GRM5: variants seen among roughly 807,000 people sequenced by gnomAD.
GRM5 encodes metabotropic glutamate receptor 5.
GRM5 carries 19 observed loss-of-function variants against 83.1 expected under a neutral mutation model. That is an observed-to-expected ratio of 0.23 (90% CI 0.16 to 0.34). GRM5 has a LOEUF of 0.34. GRM5 is among the 10% of genes least tolerant of loss of function. The pLI is 1.00. For missense variants in GRM5, 1,160 were observed against 1,588.3 expected (o/e 0.73, Z 4.58); for synonymous variants, 675 against 633.6 (o/e 1.07, Z -0.98).
At chr11:88,788,967 G>T (rs1943122466) in intron 3 of GRM5, among the ~76,000 whole-genome samples, 1 of 152,196 alleles carries the variant, frequency 6.6e-6, no homozygotes, top group Non-Finnish European at 1.5e-5. Flanking sequence ...TTAGAGGGCA[G>T]CAATGTTCTC....
At chr11:88,720,423 C>A (rs192592071) in intron 3 of GRM5, among the ~76,000 whole-genome samples, 65 of 152,008 alleles carry the variant, frequency 4.3e-4, no homozygotes, top group African/African-American at 1.5e-3. Flanking sequence ...AGAGGCCACT[C>A]TCAGCCTCTG....
chr11:88,860,950 T>C lies in GRM5; in HGVS notation c.662-10795A>G, dbSNP rs1193308353. Among the ~76,000 whole-genome samples the C allele has an allele frequency of 3.9e-5, 6 of 152,106 alleles. No individual in the cohort carries two copies. The East Asian group carries it at 1.2e-3, about 29-fold the overall frequency. On this transcript the variant is annotated intron_variant, in intron 2 of 9. Coordinates refer to ENST00000305447, the MANE Select transcript of GRM5 (RefSeq NM_001143831.3). ...GAGATGTTCAGTGTAAACCACAAAA[T>C]ACATTTCAAAGACTTAATACAAAAG... is the stretch of plus-strand genomic sequence containing the variant.
At chr11:89,046,109 G>A (rs748726621) in intron 2 of GRM5, among the ~76,000 whole-genome samples, 1 of 152,136 alleles carries the variant, frequency 6.6e-6, no homozygotes, top group Non-Finnish European at 1.5e-5. Context: ...TGAAGTCTGT[G>A]ATATAGAAAA....
intron 1 of GRM5, among the ~76,000 whole-genome samples, chr11:89,054,185 T>A (rs1286065028): frequency 6.6e-6 from 1 of 152,172 alleles, no homozygotes; most frequent in South Asian, 2.1e-4. Flanking sequence ...AGTCGTTGGA[T>A]TGGAGATACG....
At chr11:88,679,055 T>C (rs1310978498) in intron 3 of GRM5, among the ~76,000 whole-genome samples, 1 of 152,124 alleles carries the variant, frequency 6.6e-6, no homozygotes, top group African/African-American at 2.4e-5. Flanking sequence ...GAAATGTAAA[T>C]AGGCAATGAG....
At chr11:88,650,175 A>C (rs992993983) in intron 4 of GRM5, among the ~76,000 whole-genome samples, 2 of 151,958 alleles carry the variant, frequency 1.3e-5, no homozygotes, top group African/African-American at 4.8e-5. Context: ...ATTAATACAA[A>C]ACAGCAGAAA....
At chr11:88,889,369 G>T (rs1164064762) in intron 2 of GRM5, among the ~76,000 whole-genome samples, 1 of 152,082 alleles carries the variant, frequency 6.6e-6, no homozygotes, top group Non-Finnish European at 1.5e-5. Context: ...AAAAAATAGA[G>T]TTCTTTGGGT....
intron 4 of GRM5, among the ~76,000 whole-genome samples, chr11:88,611,895 A>G (rs1938328292): frequency 6.6e-6 from 1 of 151,524 alleles, no homozygotes; most frequent in Admixed American, 6.6e-5. Flanking sequence ...TGCTTTAGCT[A>G]TGTCCCACAG....
chr11:88,979,128 A>G (rs1459414110), intron 2 of GRM5, among the ~76,000 whole-genome samples: 1 of 152,128 alleles, frequency 6.6e-6, no homozygotes, highest in Non-Finnish European at 1.5e-5. Flanking sequence ...ATCTAAACCT[A>G]ATGAATAATG....
At chr11:88,716,766 T>C (rs528004844) in intron 3 of GRM5, among the ~76,000 whole-genome samples, 1 of 152,090 alleles carries the variant, frequency 6.6e-6, no homozygotes, top group South Asian at 2.1e-4. Context: ...CCCATGGTTA[T>C]GTGAAAGCCA....
intron 8 of GRM5, among the ~76,000 whole-genome samples, chr11:88,561,040 A>G (rs1320705823): frequency 6.6e-6 from 1 of 152,146 alleles, no homozygotes; most frequent in Non-Finnish European, 1.5e-5. Context: ...GGAGAGATAG[A>G]AGGAAAAGGT....
chr11:88,715,007 G>A (rs148988175), intron 3 of GRM5, among the ~76,000 whole-genome samples: 112 of 152,092 alleles, frequency 7.4e-4, no homozygotes, highest in African/African-American at 2.5e-3. Context: ...TACATCACTT[G>A]ATGAAAATGA....
At position 88,508,598 on chromosome 11, in the gene GRM5, C is replaced by T. The variant is rs183106472; in HGVS notation, c.3633G>A (p.Ser1211=). The T allele has an allele frequency of 1.2e-6, 2 of 1,607,602 alleles. No homozygotes were observed. Among genetic ancestry groups the T allele is most frequent in the Middle Eastern group, 1.7e-4 (1 of 6,032 alleles). ...IIRDYTQSSS[S]L ...GCGTGCTTTCCAGGGACATTCACAA[C>T]GACGAGGAGCTCTGAGTGTAATCTC... Residue 1211 remains serine, a synonymous_variant, in exon 10 of 10, where the codon TCG becomes TCA. Coordinates refer to ENST00000305447, the MANE Select transcript of GRM5 (RefSeq NM_001143831.3). This position sits in a 1 kb window ranked among gnomAD's most constrained non-coding sequence, Gnocchi z 4.2.
chr11:88,925,971 C>G (rs1346134983), intron 2 of GRM5: 2 of 301,900 alleles, frequency 6.6e-6, no homozygotes, highest in African/African-American at 2.3e-5. Flanking sequence ...TTCCCTTTTA[C>G]TATATCTGGA....
At chr11:88,950,063 G>T (rs1938408312) in intron 2 of GRM5, among the ~76,000 whole-genome samples, 2 of 150,386 alleles carry the variant, frequency 1.3e-5, no homozygotes, top group Non-Finnish European at 1.5e-5. Context: ...TTTAGTAGAG[G>T]TGGGGTTTCA....
chr11:88,681,705 G>T (rs931960518), intron 3 of GRM5, among the ~76,000 whole-genome samples: 2 of 149,834 alleles, frequency 1.3e-5, no homozygotes, highest in South Asian at 4.3e-4. Flanking sequence ...CAAGTAGCTG[G>T]GATTACAGGT....
chr11:88,776,796 G>A (rs1036454259), intron 3 of GRM5, among the ~76,000 whole-genome samples: 2 of 152,298 alleles, frequency 1.3e-5, no homozygotes, highest in Non-Finnish European at 2.9e-5. Flanking sequence ...TAGGGTTTCT[G>A]CTGAGAGATC....
chr11:89,005,765 G>A, intron 2 of GRM5, among the ~76,000 whole-genome samples: 1 of 152,170 alleles, frequency 6.6e-6, no homozygotes, highest in East Asian at 1.9e-4. Flanking sequence ...AATGTTGTAC[G>A]AAGGATACAG....
At chr11:88,632,422 C>T (rs928905044) in intron 4 of GRM5, among the ~76,000 whole-genome samples, 17 of 151,734 alleles carry the variant, frequency 1.1e-4, no homozygotes, top group African/African-American at 3.4e-4. Flanking sequence ...TTTGTAGAGT[C>T]GGGGTCTCCC....
Sources: allele counts gnomAD v4.1 joint callset (sites outside exome capture counted in the v4.1 genomes callset), GRCh38; gene constraint gnomAD v4.1.1; non-coding constraint Gnocchi (gnomAD v3.1); transcripts MANE v1.5; gene names NCBI Gene and HGNC (gene_info 2026-07-23, HGNC 2026-07-21).